DENND1A: variants seen among roughly 807,000 people sequenced by gnomAD.
DENND1A encodes DENN domain containing 1A.
A neutral mutation model predicts 113.7 loss-of-function variants in DENND1A; 51 were observed. The observed-to-expected ratio is 0.45, with a 90% CI of 0.36 to 0.57. The LOEUF (loss-of-function observed/expected upper bound fraction) is 0.57. DENND1A is among the 20% of genes least tolerant of loss of function. DENND1A has a pLI of 0.00. For missense variants in DENND1A, 1,258 were observed against 1,395.9 expected (o/e 0.90, Z 1.57); for synonymous variants, 565 against 570.8 (o/e 0.99, Z 0.14).
chr9:123,693,286 C>T (rs1291268076), intron 5 of DENND1A, among the ~76,000 whole-genome samples: 3 of 152,140 alleles, frequency 2.0e-5, no homozygotes, highest in Non-Finnish European at 2.9e-5. Flanking sequence ...ATCTGTTTTC[C>T]ACCTGTCCTT....
At chr9:123,878,430 T>C (rs1244433683) in intron 2 of DENND1A, among the ~76,000 whole-genome samples, 1 of 152,172 alleles carries the variant, frequency 6.6e-6, no homozygotes, top group African/African-American at 2.4e-5. Context: ...GGAACACATA[T>C]TCAAATTAGC....
chr9:123,657,558 T>C (rs10986082), intron 8 of DENND1A, among the ~76,000 whole-genome samples: 10,758 of 152,234 alleles, frequency 0.071, 477 homozygotes, highest in Admixed American at 0.14. Flanking sequence ...AAACAGATGC[T>C]AGTCCGCCCC....
chr9:123,719,074 T>C (rs1194113267), intron 5 of DENND1A, among the ~76,000 whole-genome samples: 1 of 152,188 alleles, frequency 6.6e-6, no homozygotes, highest in Non-Finnish European at 1.5e-5. Flanking sequence ...AAGAAGTGCC[T>C]TTGACCTTCC....
At chr9:123,793,599 T>C (rs1047426813) in intron 2 of DENND1A, among the ~76,000 whole-genome samples, 1 of 152,154 alleles carries the variant, frequency 6.6e-6, no homozygotes, top group Admixed American at 6.5e-5. Flanking sequence ...GTGGTCACAA[T>C]ATATGCTACC....
In DENND1A at chr9:123,413,569, G is replaced by A. The variant is rs545772067; in HGVS notation, c.1489-1740C>T. On this transcript the variant is annotated intron_variant, in intron 19 of 23. Transcript: ENST00000394215. ...CCTGGTGCTCTGCATGGAACCTGTC[G>A]GGGCAGCCTGAGGGGAAAGCGGGTC... 14 of 985,372 alleles carry A rather than the reference G, an allele frequency of 1.4e-5. No individual in the cohort carries two copies. The Admixed American group carries it at 4.3e-4, about 30-fold the overall frequency. 61.0% of individuals were successfully genotyped at this position (985,372 alleles called of 1,614,324 possible). A position where few individuals can be genotyped will look rare whatever the true frequency, so the allele number is the denominator to read the frequency against.
At chr9:123,644,567 G>A (rs1297616951) in intron 9 of DENND1A, among the ~76,000 whole-genome samples, 2 of 152,076 alleles carry the variant, frequency 1.3e-5, no homozygotes, top group Admixed American at 1.3e-4. Flanking sequence ...ACATGCCTCT[G>A]GCTCCTGTGA....
intron 5 of DENND1A, among the ~76,000 whole-genome samples, chr9:123,690,159 A>AGGGAGGGAGGGAG (rs2065100183): frequency 7.0e-6 from 1 of 142,314 alleles, no homozygotes; most frequent in African/African-American, 2.6e-5. Context: ...GGAGGGAGGG[A>AGGGAGGGAGGGAG]GGAAGGAGGA....
intron 13 of DENND1A, among the ~76,000 whole-genome samples, chr9:123,484,531 G>A (rs943013175): frequency 7.9e-5 from 12 of 152,202 alleles, no homozygotes; most frequent in Admixed American, 1.3e-4. Flanking sequence ...AGGGTGCAGC[G>A]GATAGGAAGT....
chr9:123,757,994 A>T (rs2070719366), intron 4 of DENND1A, among the ~76,000 whole-genome samples, 172 bp from the exon 5 acceptor site: 1 of 151,934 alleles, frequency 6.6e-6, no homozygotes, highest in Non-Finnish European at 1.5e-5. Context: ...AAAAAAAAAA[A>T]AAGACAGCCA....
intron 1 of DENND1A, among the ~76,000 whole-genome samples, chr9:123,926,651 T>C (rs1186093784): frequency 6.8e-6 from 1 of 147,476 alleles, no homozygotes; most frequent in African/African-American, 2.5e-5. Flanking sequence ...ATTTATAAAA[T>C]ATAAAACTTT....
intron 5 of DENND1A, among the ~76,000 whole-genome samples, chr9:123,699,773 C>T (rs1469909533): frequency 6.9e-6 from 1 of 144,732 alleles, no homozygotes; most frequent in African/African-American, 2.6e-5. Context: ...TCTCAGCTTA[C>T]TGCAACCTTT....
At position 123,630,394 on chromosome 9, in the gene DENND1A, T is replaced by C; in HGVS notation, c.701A>G (p.His234Arg). ...QHVYIPVLPP[H>R]LLDYCCAPMP... ...ACCTTACCAGCAGTAGTCCAGCAGA[T>C]GCGGCGGCAGCACGGGGATGTACAC... Residue 234 changes from histidine to arginine, a missense_variant, in exon 10 of 24, where the codon CAT (histidine) becomes CGT (arginine). His to Arg is a conservative substitution (Grantham distance 29). Around this residue, in one of 2 missense-constraint regions of DENND1A, gnomAD observed 1,159 missense variants for 1,231.7 expected, o/e 0.94. Transcript: ENST00000394215. 1 of 1,598,342 alleles carries C rather than the reference T, an allele frequency of 6.3e-7. No individual in the cohort carries two copies. The highest frequency in any genetic ancestry group is 8.5e-7 in the Non-Finnish European group (1 of 1,170,848).
At chr9:123,482,659 T>C (rs538777512) in intron 13 of DENND1A, among the ~76,000 whole-genome samples, 297 of 152,298 alleles carry the variant, frequency 2.0e-3, no homozygotes, top group African/African-American at 6.9e-3. Flanking sequence ...AGCAGCCCCA[T>C]AAAGGAACAA....
intron 16 of DENND1A, among the ~76,000 whole-genome samples, chr9:123,453,974 A>G (rs2047924090): frequency 6.6e-6 from 1 of 152,204 alleles, no homozygotes; most frequent in Non-Finnish European, 1.5e-5. Flanking sequence ...AGAGGAACAA[A>G]GGAAGTCTTT....
At chr9:123,817,752 C>A (rs889661601) in intron 2 of DENND1A, among the ~76,000 whole-genome samples, 1 of 152,042 alleles carries the variant, frequency 6.6e-6, no homozygotes, top group African/African-American at 2.4e-5. Flanking sequence ...GCTGGCTGGG[C>A]GTGGTGGCTC....
intron 19 of DENND1A, among the ~76,000 whole-genome samples, chr9:123,414,824 G>A (rs990779296): frequency 1.3e-5 from 2 of 152,062 alleles, no homozygotes; most frequent in Non-Finnish European, 2.9e-5. Context: ...GTAAAACCCC[G>A]CCTCACATCC....
At chr9:123,819,814 G>A (rs991813695) in intron 2 of DENND1A, among the ~76,000 whole-genome samples, 1 of 152,090 alleles carries the variant, frequency 6.6e-6, no homozygotes, top group Non-Finnish European at 1.5e-5. Flanking sequence ...TAGGCTTACA[G>A]GTGTGAGCCA....
chr9:123,914,734 G>A (rs1021136778), intron 1 of DENND1A, among the ~76,000 whole-genome samples: 4 of 151,622 alleles, frequency 2.6e-5, no homozygotes, highest in African/African-American at 4.8e-5. Context: ...ACAAGGGAGG[G>A]AGGGGGAGGA....
intron 5 of DENND1A, among the ~76,000 whole-genome samples, chr9:123,679,909 C>T (rs376012764): frequency 6.6e-6 from 1 of 152,130 alleles, no homozygotes; most frequent in South Asian, 2.1e-4. Context: ...CTGCCTGCTG[C>T]CTTTGTGTGA....
Sources: allele counts gnomAD v4.1 joint callset (sites outside exome capture counted in the v4.1 genomes callset), GRCh38; gene constraint gnomAD v4.1.1; regional missense constraint gnomAD v4.1.1; transcripts MANE v1.5; gene names NCBI Gene and HGNC (gene_info 2026-07-23, HGNC 2026-07-21).